DLEC1: variants seen among roughly 807,000 people sequenced by gnomAD.
The protein encoded by DLEC1 is deleted in lung and esophageal cancer protein 1.
A neutral mutation model predicts 198.1 loss-of-function variants in DLEC1; 146 were observed. The ratio of observed to expected loss-of-function variants is 0.74; its 90% confidence interval spans 0.64 to 0.85. The LOEUF is 0.85. Among genes scored for constraint, DLEC1 ranks in the 40% least tolerant of loss-of-function variants. The probability of loss-of-function intolerance (pLI) is 0.00; values close to 1 mark genes in which losing one functional copy is unlikely to be tolerated. For missense variants in DLEC1, 2,233 were observed against 2,220.0 expected (o/e 1.01, Z -0.12); for synonymous variants, 897 against 866.8 (o/e 1.03, Z -0.61).
At chr3:38,119,659 C>T (rs1700354999) in intron 33 of DLEC1, among the ~76,000 whole-genome samples, 2 of 151,950 alleles carry the variant, frequency 1.3e-5, no homozygotes, top group African/African-American at 2.4e-5. Context: ...TCTCCCACCT[C>T]GGCCTCCCAA....
chr3:38,111,051 C>T (rs1413312853), intron 23 of DLEC1, among the ~76,000 whole-genome samples: 1 of 152,168 alleles, frequency 6.6e-6, no homozygotes, highest in Non-Finnish European at 1.5e-5. Context: ...TTCAGGAGAA[C>T]TGATTGTTAA....
rs1011803607 is a variant in DLEC1 at position 38,080,485 on chromosome 3, C to T, written c.1174-3673C>T. Among the ~76,000 whole-genome samples the T allele has an allele frequency of 1.4e-4, 22 of 152,204 alleles. No homozygotes were observed. The Middle Eastern group carries it at 0.014, about 94-fold the overall frequency. On this transcript the variant is annotated intron_variant, in intron 6 of 36. Transcript: ENST00000308059. ...GAAGGGACTGATGTGTAAAAGAATG[C>T]CTGGACATCAGGCACCTCAGACCGT... is the stretch of plus-strand genomic sequence containing the variant.
rs1265025711 is a variant in DLEC1, at chr3:38,122,382, TGA to T, written c.5243_5244del (p.Arg1748IlefsTer29). 7 of 1,613,980 alleles carry T rather than the reference TGA, an allele frequency of 4.3e-6. No homozygotes were observed. Among genetic ancestry groups the T allele is most frequent in the African/African-American group, 4.0e-5 (3 of 74,872 alleles). ...LRLRGQGSYD[E>X]RYMLPHQP is the part of the protein sequence containing the mutation. The stretch of plus-strand genomic sequence containing the variant: ...GGCTCCGGGGCCAAGGCTCCTATGA[TGA>T]GAGATACATGTTGCCTCACCAGCCC... On this transcript the variant is annotated frameshift_variant, in exon 37 of 37. Coordinates refer to ENST00000308059, the MANE Select transcript of DLEC1 (RefSeq NM_007335.4). LOFTEE classifies it high-confidence loss of function.
At chr3:38,096,465 A>C (rs1575193474) in intron 14 of DLEC1, 104 bp from the exon 15 acceptor site, 1 of 1,355,136 alleles carries the variant, frequency 7.4e-7, no homozygotes, top group South Asian at 1.4e-5. Flanking sequence ...TGGGTTAGGC[A>C]GTGTTTTTTT....
intron 6 of DLEC1, among the ~76,000 whole-genome samples, chr3:38,075,371 G>T (rs1169894129): frequency 6.6e-6 from 1 of 152,294 alleles, no homozygotes; most frequent in Non-Finnish European, 1.5e-5. Context: ...TAGAGCCATT[G>T]TCAAGTTTGT....
intron 6 of DLEC1, among the ~76,000 whole-genome samples, chr3:38,074,051 G>A (rs1697468684): frequency 6.6e-6 from 1 of 152,244 alleles, no homozygotes; most frequent in Non-Finnish European, 1.5e-5. Context: ...TTACACAGAT[G>A]GGACATGGCT....
At chr3:38,115,575 A>G (rs961617668) in intron 27 of DLEC1, among the ~76,000 whole-genome samples, 1 of 152,048 alleles carries the variant, frequency 6.6e-6, no homozygotes, top group Non-Finnish European at 1.5e-5. Context: ...GGCCTGAGAA[A>G]GGGTTAGGAG....
chr3:38,097,314 G>T, intron 16 of DLEC1, 39 bp downstream of exon 16: 1 of 1,554,906 alleles, frequency 6.4e-7, no homozygotes, highest in South Asian at 1.2e-5. Context: ...GACCTGCCTG[G>T]GGCTGGCTCA....
At chr3:38,095,449 G>A (rs371237793) in intron 13 of DLEC1, 3 of 309,526 alleles carry the variant, frequency 9.7e-6, no homozygotes, top group South Asian at 9.5e-5. Context: ...CAGCATGGAG[G>A]GAAGCCCTGT....
At chr3:38,053,630 G>A (rs1701261844) in intron 2 of DLEC1, among the ~76,000 whole-genome samples, 3 of 109,108 alleles carry the variant, frequency 2.7e-5, no homozygotes, top group Admixed American at 9.1e-5. Context: ...GGGCGCCTCT[G>A]CCCGGCCGCC....
At chr3:38,054,938 C>T (rs1378212263) in intron 2 of DLEC1, among the ~76,000 whole-genome samples, 1 of 152,182 alleles carries the variant, frequency 6.6e-6, no homozygotes, top group East Asian at 1.9e-4. Flanking sequence ...GAGATATTTA[C>T]AGACTAAAGG....
At chr3:38,074,576 C>T (rs1348186182) in intron 6 of DLEC1, among the ~76,000 whole-genome samples, 1 of 152,196 alleles carries the variant, frequency 6.6e-6, no homozygotes, top group Non-Finnish European at 1.5e-5. Context: ...TTCAACTAGG[C>T]AGGAAATCAT....
At chr3:38,052,633 C>T (rs1701178616) in intron 2 of DLEC1, among the ~76,000 whole-genome samples, 1 of 152,192 alleles carries the variant, frequency 6.6e-6, no homozygotes, top group Non-Finnish European at 1.5e-5. Flanking sequence ...GAACTGCGCC[C>T]TCAAAGATGA....
At chr3:38,121,990 G>C in intron 35 of DLEC1, 81 bp from the exon 36 acceptor site, 2 of 1,580,000 alleles carry the variant, frequency 1.3e-6, no homozygotes, top group Non-Finnish European at 1.7e-6. Flanking sequence ...CAGAGGTACA[G>C]GCCCGGGGGT....
intron 2 of DLEC1, among the ~76,000 whole-genome samples, chr3:38,052,828 A>G (rs1701192308): frequency 6.7e-6 from 1 of 149,992 alleles, no homozygotes; most frequent in Non-Finnish European, 1.5e-5. Flanking sequence ...TGATGCCACC[A>G]AAGTTGTGAA....
chr3:38,118,295 C>T (rs1700291499), intron 33 of DLEC1, among the ~76,000 whole-genome samples: 1 of 152,202 alleles, frequency 6.6e-6, no homozygotes, highest in South Asian at 2.1e-4. Flanking sequence ...CCAGACTTCC[C>T]TTTCCCTCTT....
At position 38,084,487 on chromosome 3, in the gene DLEC1, T is replaced by TA. The variant is rs1251555047; in HGVS notation, c.1261+242_1261+243insA. Among the ~76,000 whole-genome samples, 5 of 142,010 alleles carry TA rather than the reference T, an allele frequency of 3.5e-5. 1 individual carries two copies. The highest frequency in any genetic ancestry group is 6.9e-5 in the Admixed American group (1 of 14,436). The allele number at this position is 142,010 out of a possible 152,430, so 93.2% of individuals were successfully genotyped here. On this transcript the variant is annotated intron_variant, in intron 7 of 36. Coordinates refer to ENST00000308059, the MANE Select transcript of DLEC1 (RefSeq NM_007335.4). ...ATAGTAGTGGTGGTGGTGGTAGTAG[T>TA]GGTGGTAGTAGTAGTGGTAGTAGTA...
At chr3:38,095,329 C>T in intron 13 of DLEC1, 1 of 517,480 alleles carries the variant, frequency 1.9e-6, no homozygotes, top group Non-Finnish European at 3.5e-6. Context: ...TGGGTGTCTC[C>T]CACATGTCTA....
At chr3:38,055,697 G>A (rs529034021) in intron 2 of DLEC1, among the ~76,000 whole-genome samples, 60 of 152,234 alleles carry the variant, frequency 3.9e-4, no homozygotes, top group Middle Eastern at 3.4e-3. Context: ...AGAGCAGTCA[G>A]TGAAGACGTG....
Sources: gnomAD v4.1 joint callset for allele counts (sites outside exome capture counted in the v4.1 genomes callset) on GRCh38, gnomAD v4.1.1 for gene constraint, MANE v1.5 for transcripts, NCBI Gene and HGNC (gene_info 2026-07-23, HGNC 2026-07-21) for gene names.